The following PPP2R3C variants were observed in gnomAD, a reference collection of about 807,000 sequenced individuals.
The protein encoded by PPP2R3C is serine/threonine-protein phosphatase 2A regulatory subunit B'' subunit gamma.
Under a neutral mutation model 63.7 loss-of-function variants are expected in PPP2R3C, and 47 were observed. The ratio of observed to expected loss-of-function variants is 0.74; its 90% CI spans 0.58 to 0.94. The LOEUF is 0.94. Among genes scored for constraint, PPP2R3C ranks in the 40% least tolerant of loss-of-function variants. PPP2R3C has a pLI of 0.00. For synonymous variants in PPP2R3C, 180 were observed against 177.4 expected (o/e 1.01, Z -0.12); for missense variants, 421 against 518.4 (o/e 0.81, Z 1.82).
At chr14:35,102,024 TCTCTC>T (rs1043084362) in intron 6 of PPP2R3C, 15 of 140,226 alleles carry the variant, frequency 1.1e-4, no homozygotes, top group East Asian at 4.2e-4. Context: ...ATGGTTTCTC[TCTCTC>T]TTTTTTTTTT....
chr14:35,113,999 G>C (rs1453063353), intron 2 of PPP2R3C, among the ~76,000 whole-genome samples: 1 of 152,070 alleles, frequency 6.6e-6, no homozygotes, highest in Non-Finnish European at 1.5e-5. Context: ...TATTATTTAA[G>C]AATCCAGGTT....
intron 7 of PPP2R3C, among the ~76,000 whole-genome samples, chr14:35,098,346 G>GTTTTTT (rs376634061): frequency 2.1e-5 from 2 of 94,034 alleles, no homozygotes; most frequent in Non-Finnish European, 2.0e-5. Context: ...CGCCTGGCTA[G>GTTTTTT]TTTTTTTTTT....
chr14:35,106,179 A>AC (rs2046351740), intron 6 of PPP2R3C, among the ~76,000 whole-genome samples: 1 of 152,134 alleles, frequency 6.6e-6, no homozygotes, highest in Non-Finnish European at 1.5e-5. Flanking sequence ...AAAAAAGAAA[A>AC]TAAATTTTAC....
chr14:35,097,572 T>C (rs2046039459), intron 7 of PPP2R3C, among the ~76,000 whole-genome samples: 1 of 150,930 alleles, frequency 6.6e-6, no homozygotes, highest in African/African-American at 2.4e-5. Context: ...AATCTCTGCC[T>C]CCTGGGTTCA....
chr14:35,085,787 GA>G lies in PPP2R3C; in HGVS notation c.1174-10del, dbSNP rs201794373. ...ATGTCAAAGATTTCATCCTGCAAGA[GA>G]AAAAAAAATACAATGAAATTTGATC... On this transcript the variant is annotated splice_polypyrimidine_tract_variant and intron_variant, in intron 12 of 12. Transcript: ENST00000261475. 135 of 1,546,270 alleles carry G rather than the reference GA, an allele frequency of 8.7e-5. No individual in the cohort carries two copies. The highest frequency in any genetic ancestry group is 1.7e-4 in the Middle Eastern group (1 of 5,810).
chr14:35,107,442 A>T, intron 5 of PPP2R3C, 68 bp from the exon 6 acceptor site: 10 of 1,296,418 alleles, frequency 7.7e-6, no homozygotes, highest in Admixed American at 1.8e-5. Flanking sequence ...AAGGAGATAA[A>T]GAGCCAGATT....
At chr14:35,089,697 G>T (rs1017941756) in intron 11 of PPP2R3C, among the ~76,000 whole-genome samples, 2 of 151,352 alleles carry the variant, frequency 1.3e-5, no homozygotes, top group African/African-American at 4.9e-5. Context: ...ACTCAGTCTC[G>T]CTCTGTTACC....
intron 2 of PPP2R3C, 188 bp from the exon 3 acceptor site, chr14:35,110,817 T>C: frequency 1.9e-6 from 1 of 531,780 alleles, no homozygotes; most frequent in South Asian, 2.4e-5. Context: ...AGGCTGGATC[T>C]CTGCCCTGAA....
intron 11 of PPP2R3C, among the ~76,000 whole-genome samples, chr14:35,090,714 T>TC (rs2045781065): frequency 6.9e-6 from 1 of 144,064 alleles, no homozygotes; most frequent in Admixed American, 6.9e-5. Flanking sequence ...TCTCACAATT[T>TC]TTTTTTTTTT....
Position 35,099,387 on chromosome 14 carries a change from G to C in PPP2R3C, c.574-3C>G. ...TCCAATATGTAGTTTTCTAAATCCT[G>C]AAAATAAAACAAAATAAAGTGTTAA... On this transcript the variant is annotated splice_region_variant and splice_polypyrimidine_tract_variant and intron_variant, in intron 6 of 12. Transcript: ENST00000261475. 1 of 1,588,378 alleles carries C rather than the reference G, an allele frequency of 6.3e-7. No individual in the cohort carries two copies. The highest frequency in any genetic ancestry group is 8.5e-7 in the Non-Finnish European group (1 of 1,174,296).
chr14:35,095,216 A>G, intron 9 of PPP2R3C, 32 bp from the exon 10 acceptor site: 3 of 1,585,912 alleles, frequency 1.9e-6, no homozygotes, highest in Non-Finnish European at 2.6e-6. Flanking sequence ...GACACTTATG[A>G]CCACAATAAA....
chr14:35,102,613 G>GT (rs765335289), intron 6 of PPP2R3C: 3 of 152,084 alleles, frequency 2.0e-5, no homozygotes, highest in South Asian at 2.1e-4. Context: ...AGCAATTTGT[G>GT]TTTTTTCTGG....
chr14:35,087,681 T>C, intron 12 of PPP2R3C: 1 of 368,642 alleles, frequency 2.7e-6, no homozygotes, highest in Non-Finnish European at 5.1e-6. Flanking sequence ...ATTACAAGCA[T>C]GAGCCACTGA....
intron 10 of PPP2R3C, among the ~76,000 whole-genome samples, chr14:35,092,786 T>C (rs1320255864): frequency 6.6e-6 from 1 of 152,152 alleles, no homozygotes; most frequent in Non-Finnish European, 1.5e-5. Context: ...TATATTTAAA[T>C]TGCTATTTTA....
At chr14:35,110,453 A>G (rs1009579522) in intron 3 of PPP2R3C, 72 bp downstream of exon 3, 5 of 1,050,640 alleles carry the variant, frequency 4.8e-6, no homozygotes, top group Middle Eastern at 3.0e-4. Context: ...GGCACCAAGA[A>G]ATCCTGCATG....
At chr14:35,096,245 G>T (rs1318014271) in intron 9 of PPP2R3C, among the ~76,000 whole-genome samples, 1 of 151,504 alleles carries the variant, frequency 6.6e-6, no homozygotes, top group African/African-American at 2.4e-5. Context: ...TGGGGTGGGT[G>T]GGGTAGGGGC....
chr14:35,115,160 T>TC (rs894708685), intron 2 of PPP2R3C, among the ~76,000 whole-genome samples: 3 of 149,982 alleles, frequency 2.0e-5, no homozygotes, highest in East Asian at 1.9e-4. Flanking sequence ...TTTTTTTTTT[T>TC]CTTTTTCTTT....
At chr14:35,122,017 C>A (rs1160555088), upstream of PPP2R3C, 3 of 1,593,452 alleles carry the variant, frequency 1.9e-6, no homozygotes, top group Non-Finnish European at 2.6e-6. Context: ...TCCACCCCTA[C>A]CAGCTCAGGC....
intron 6 of PPP2R3C, among the ~76,000 whole-genome samples, chr14:35,103,004 C>T (rs1025998216): frequency 6.6e-6 from 1 of 152,202 alleles, no homozygotes; most frequent in Non-Finnish European, 1.5e-5. Flanking sequence ...AAGCGATCCA[C>T]CTGCCTCGGC....
Sources: allele counts gnomAD v4.1 joint callset (sites outside exome capture counted in the v4.1 genomes callset), GRCh38; gene constraint gnomAD v4.1.1; transcripts MANE v1.5; gene names NCBI Gene and HGNC (gene_info 2026-07-23, HGNC 2026-07-21).